Variants in TMEM132B observed in about 807,000 individuals in gnomAD.
TMEM132B encodes the protein transmembrane protein 132B.
A neutral mutation model predicts 90.8 loss-of-function variants in TMEM132B; 18 were observed. The observed-to-expected ratio is 0.20, with a 90% CI of 0.14 to 0.29. TMEM132B has a LOEUF of 0.29. TMEM132B is among the 10% of genes least tolerant of loss of function. The pLI is 1.00. For synonymous variants in TMEM132B, 504 were observed against 523.3 expected, an observed-to-expected ratio of 0.96 and a Z score of 0.50; for missense variants, 1,096 against 1,326.8, an observed-to-expected ratio of 0.83 and a Z score of 2.70.
At chr12:125,575,984 T>G (rs945733212) in intron 4 of TMEM132B, among the ~76,000 whole-genome samples, 6 of 152,126 alleles carry the variant, frequency 3.9e-5, no homozygotes, top group Non-Finnish European at 8.8e-5. Context: ...CCATATGAAT[T>G]TTAACACTAG....
intron 2 of TMEM132B, among the ~76,000 whole-genome samples, chr12:125,394,571 G>A (rs1018897589): frequency 1.3e-5 from 2 of 152,216 alleles, no homozygotes; most frequent in African/African-American, 2.4e-5. Context: ...AGGGGGACAA[G>A]AGAAGTCATT....
chr12:125,361,164 C>T (rs1429928900), intron 2 of TMEM132B, among the ~76,000 whole-genome samples: 1 of 152,086 alleles, frequency 6.6e-6, no homozygotes, highest in Admixed American at 6.5e-5. Context: ...GCAGTGGCTC[C>T]CACCCCCTAT....
chr12:125,304,292 G>C lies in TMEM132B; in HGVS notation c.68-45160G>C, dbSNP rs140355961. On this transcript the variant is annotated intron_variant, in intron 1 of 8. Transcript: ENST00000682704. ...TTCCTCCTGCTTTGTGGCCAAACAG[G>C]TCACGGACTGGTACTGGTCCACAGC... 1.8e-4 allele frequency among the ~76,000 whole-genome samples: 27 copies of C among 152,316 alleles called. No homozygotes were observed. In the East Asian group the frequency reaches 5.2e-3, roughly 29 times the overall value.
chr12:125,438,542 G>A (rs538544127), intron 3 of TMEM132B, among the ~76,000 whole-genome samples: 1 of 152,142 alleles, frequency 6.6e-6, no homozygotes, highest in Non-Finnish European at 1.5e-5. Context: ...AACTGTAGAG[G>A]ATATTGTAGC....
At chr12:125,286,450 G>C (rs1326829117) in intron 1 of TMEM132B, among the ~76,000 whole-genome samples, 1 of 152,126 alleles carries the variant, frequency 6.6e-6, no homozygotes, top group African/African-American at 2.4e-5. Context: ...GTTCTTCAAG[G>C]ATCTGGTGAA....
At chr12:125,386,282 C>T (rs773427723) in intron 2 of TMEM132B, among the ~76,000 whole-genome samples, 3 of 152,152 alleles carry the variant, frequency 2.0e-5, no homozygotes, top group Non-Finnish European at 4.4e-5. Flanking sequence ...AACACTGTGC[C>T]CAGCCATTTG....
At chr12:125,231,011 A>G (rs1873808159) in intron 1 of TMEM132B, among the ~76,000 whole-genome samples, 1 of 152,114 alleles carries the variant, frequency 6.6e-6, no homozygotes, top group Non-Finnish European at 1.5e-5. Context: ...AACAAAACAG[A>G]AATTTATTAT....
chr12:125,536,940 G>A (rs1883815004), intron 4 of TMEM132B, among the ~76,000 whole-genome samples: 1 of 151,808 alleles, frequency 6.6e-6, no homozygotes. Flanking sequence ...TTATCAATAC[G>A]AGCCTTACTG....
chr12:125,595,871 C>CTT (rs35903934), intron 5 of TMEM132B, among the ~76,000 whole-genome samples: 3,493 of 146,132 alleles, frequency 0.024, 135 homozygotes, highest in African/African-American at 0.08. Context: ...CTCAGGGCGG[C>CTT]TTTTTTTTTT....
chr12:125,552,848 A>C (rs1337144034), intron 4 of TMEM132B, among the ~76,000 whole-genome samples: 1 of 152,238 alleles, frequency 6.6e-6, no homozygotes, highest in African/African-American at 2.4e-5. Context: ...GGAATAACAG[A>C]CACGTCCCTG....
At chr12:125,330,455 C>G (rs1281650242) in intron 1 of TMEM132B, among the ~76,000 whole-genome samples, 1 of 146,144 alleles carries the variant, frequency 6.8e-6, no homozygotes, top group African/African-American at 2.6e-5. Context: ...CCTATGGAAA[C>G]AATAGACAAA....
intron 4 of TMEM132B, among the ~76,000 whole-genome samples, chr12:125,569,567 G>T (rs1335471471): frequency 6.6e-6 from 1 of 152,170 alleles, no homozygotes; most frequent in East Asian, 1.9e-4. Flanking sequence ...GACTTAGGAT[G>T]CAGGGGACAT....
chr12:125,583,979 T>C lies in TMEM132B; in HGVS notation c.1422T>C (p.Asp474=). The change falls in exon 5 of 9, where the codon GAT becomes GAC. Residue 474 remains aspartate, a synonymous_variant. Transcript: ENST00000682704. ...VSESVECKSA[D]EDVIKVSNNC... The stretch of plus-strand genomic sequence containing the variant: ...AGTCTGTGGAATGCAAGTCTGCCGA[T>C]GAAGATGTCATTAAGGTAAGGGGGG... The C allele has an allele frequency of 6.2e-7, 1 of 1,614,212 alleles. No homozygotes were observed. Among genetic ancestry groups the C allele is most frequent in the Non-Finnish European group, 8.5e-7 (1 of 1,180,026 alleles).
rs369009903 is a variant in TMEM132B at position 125,349,922 on chromosome 12, C to T, written c.538C>T (p.Arg180Trp). The stretch of plus-strand genomic sequence containing the variant: ...GGCCAGGGAAGTGGCAGCCAGCTGT[C>T]GGCTGCAAGGGGCCCCAGGGCTGTG... ...PEAREVAASCRLQGAPGLCVA... is the reference protein window; with the variant it reads ...PEAREVAASCWLQGAPGLCVA... The change falls in exon 2 of 9, where the codon CGG becomes TGG. Residue 180 changes from arginine (R) to tryptophan (W), a missense_variant. Transcript: ENST00000682704. This position sits in a 1 kb window ranked among gnomAD's most constrained non-coding sequence, Gnocchi z 4.1. 5.6e-6 allele frequency: 9 copies of T among 1,614,110 alleles called. No homozygotes were observed. The highest frequency in any genetic ancestry group is 1.3e-5 in the African/African-American group (1 of 74,934).
intron 1 of TMEM132B, among the ~76,000 whole-genome samples, chr12:125,188,539 C>T (rs2136044904): frequency 6.9e-6 from 1 of 144,060 alleles, no homozygotes; most frequent in Non-Finnish European, 1.5e-5. Flanking sequence ...CCCTACCACC[C>T]CCCCACCCCC....
chr12:125,325,669 CTGTGTGTGTGTGTGTGTGTGTG>C (rs59220510), intron 1 of TMEM132B, among the ~76,000 whole-genome samples: 10 of 124,398 alleles, frequency 8.0e-5, no homozygotes, highest in East Asian at 5.5e-4. Context: ...GCCTCCCACC[CTGTGTGTGTGTGTGTGTGTGTG>C]TGTGTGTGTG....
intron 5 of TMEM132B, among the ~76,000 whole-genome samples, chr12:125,636,048 C>T (rs941612356): frequency 3.2e-4 from 48 of 152,092 alleles, no homozygotes; most frequent in African/African-American, 1.0e-3. Flanking sequence ...GGTGGTGATT[C>T]GAGACTCCCT....
In TMEM132B at chr12:125,406,166, AC is replaced by A. The variant is rs1879470287; in HGVS notation, c.960-9363del. Among the ~76,000 whole-genome samples the A allele has an allele frequency of 6.6e-6, 1 of 152,314 alleles. No individual in the cohort carries two copies. The highest frequency in any genetic ancestry group is 1.9e-4 in the East Asian group (1 of 5,190). On this transcript the variant is annotated intron_variant, in intron 2 of 8. Coordinates refer to ENST00000682704, the MANE Select transcript of TMEM132B (RefSeq NM_001366854.1). This position sits in a 1 kb window ranked among gnomAD's most constrained non-coding sequence, Gnocchi z 8.3. ...AGTGAATTTCCAGTAGACTGTGAGT[AC>A]CTTTTACTGTCCAAACAGGAATCTT...
rs1444175778 is a variant in TMEM132B, at chr12:125,432,503, G to A, written c.1106+16826G>A. ...TATATATATGTATGTGTATATATAT[G>A]TGTGTGTGTATATATATATATATAT... On this transcript the variant is annotated intron_variant, in intron 3 of 8. Transcript: ENST00000682704. Among the ~76,000 whole-genome samples, 27 of 13,894 alleles carry A rather than the reference G, an allele frequency of 1.9e-3. 1 individual carries two copies. Among genetic ancestry groups the A allele is most frequent in the African/African-American group, 0.011 (25 of 2,208 alleles). 9.1% of individuals were successfully genotyped at this position (13,894 alleles called of 152,430 possible).
Sources: allele counts gnomAD v4.1 joint callset (sites outside exome capture counted in the v4.1 genomes callset), GRCh38; gene constraint gnomAD v4.1.1; non-coding constraint Gnocchi (gnomAD v3.1); transcripts MANE v1.5; gene names NCBI Gene and HGNC (gene_info 2026-07-23, HGNC 2026-07-21).